Variants in PAPLN observed in about 807,000 individuals in gnomAD.
The protein encoded by PAPLN is papilin.
Under a neutral mutation model 159.0 loss-of-function variants are expected in PAPLN, and 146 were observed. That is an observed-to-expected ratio of 0.92 (90% CI 0.80 to 1.05). The LOEUF is 1.05. Among genes scored for constraint, PAPLN ranks in the 50% least tolerant of loss-of-function variants. PAPLN has a pLI of 0.00. For missense variants in PAPLN, 1,720 were observed against 1,743.9 expected (o/e 0.99, Z 0.24); for synonymous variants, 734 against 702.9 (o/e 1.04, Z -0.70).
chr14:73,268,411 A>G (rs745394423), intron 25 of PAPLN, 146 bp from the exon 26 acceptor site: 19 of 798,118 alleles, frequency 2.4e-5, no homozygotes, highest in Non-Finnish European at 3.6e-5. Flanking sequence ...AACCTTGGTC[A>G]TTCTTGATTT....
intron 25 of PAPLN, chr14:73,268,301 C>T: frequency 2.4e-6 from 1 of 414,338 alleles, no homozygotes. Context: ...TCACAGGCAC[C>T]CCAAATTTGA....
At chr14:73,241,408 C>T (rs1311344512) in intron 2 of PAPLN, among the ~76,000 whole-genome samples, 1 of 152,230 alleles carries the variant, frequency 6.6e-6, no homozygotes, top group Non-Finnish European at 1.5e-5. Context: ...TGGACAGCTG[C>T]ATGATCCTAG....
chr14:73,263,683 C>T lies in PAPLN; in HGVS notation c.2762C>T (p.Ala921Val), dbSNP rs775925480. Residue 921 changes from alanine to valine, a missense_variant, in exon 20 of 27, where the codon GCA (alanine) becomes GTA (valine). Transcript: ENST00000644200. Reference sequence around the variant, plus strand: ...GGTGTGGAGCCCTCGTTGGTGCAGGCAGCCCTGGGGCAGTTGGTGCGGCTC... The same window carrying T: ...GGTGTGGAGCCCTCGTTGGTGCAGGTAGCCCTGGGGCAGTTGGTGCGGCTC... ...LAGVEPSLVQ[A>V]ALGQLVRLSC... The T allele has an allele frequency of 1.9e-6, 3 of 1,613,472 alleles. No individual in the cohort carries two copies. Among genetic ancestry groups the T allele is most frequent in the African/African-American group, 1.3e-5 (1 of 74,936 alleles).
chr14:73,244,983 C>G (rs1884037508), intron 3 of PAPLN: 1 of 438,814 alleles, frequency 2.3e-6, no homozygotes, highest in Admixed American at 4.0e-5. Flanking sequence ...CCTGTTGCCC[C>G]TGGTCTCCAG....
At chr14:73,241,294 G>A (rs1341294685) in intron 2 of PAPLN, among the ~76,000 whole-genome samples, 1 of 152,144 alleles carries the variant, frequency 6.6e-6, no homozygotes, top group Admixed American at 6.5e-5. Context: ...CCACTCTCAG[G>A]TCCTTCACCA....
At chr14:73,250,553 T>C (rs1885129540) in intron 6 of PAPLN, among the ~76,000 whole-genome samples, 1 of 152,124 alleles carries the variant, frequency 6.6e-6, no homozygotes, top group African/African-American at 2.4e-5. Context: ...GGGGGCCTCA[T>C]TCCCAGGAGT....
In PAPLN at chr14:73,257,753, C is replaced by CTTTTTTTTT. The variant is rs562890068; in HGVS notation, c.1628-1206_1628-1198dup. Among the ~76,000 whole-genome samples, 447 of 91,236 alleles carry CTTTTTTTTT rather than the reference C, an allele frequency of 4.9e-3. 36 individuals carry two copies. The highest frequency in any genetic ancestry group is 0.03 in the East Asian group (62 of 2,050). 59.9% of individuals were successfully genotyped at this position (91,236 alleles called of 152,430 possible). On this transcript the variant is annotated intron_variant, in intron 14 of 26. Coordinates refer to ENST00000644200, the MANE Select transcript of PAPLN (RefSeq NM_001365906.3). ...GTTTTCATTATCTAGTCTCTTTCTTCTTTTTTTTTTTTTTTTTTTTTTTTT... is the reference window on the plus strand; with the variant it reads ...GTTTTCATTATCTAGTCTCTTTCTTCTTTTTTTTTTTTTTTTTTTTTTTTTTTTTTTTTT...
chr14:73,266,711 C>G lies in PAPLN; in HGVS notation c.3392-12C>G. The G allele has an allele frequency of 6.2e-7, 1 of 1,614,142 alleles. No individual in the cohort carries two copies. Among genetic ancestry groups the G allele is most frequent in the Non-Finnish European group, 8.5e-7 (1 of 1,180,018 alleles). The stretch of plus-strand genomic sequence containing the variant: ...TTCATAGTGGCTGACAATGACTTGT[C>G]CTTGTGCCCAGGGGAGCTGACAATC... On this transcript the variant is annotated splice_polypyrimidine_tract_variant and intron_variant, in intron 24 of 26. Transcript: ENST00000644200.
Position 73,263,685 on chromosome 14 carries a change from G to T in PAPLN, c.2764G>T (p.Ala922Ser). ...AGVEPSLVQA[A>S]LGQLVRLSCS... is the part of the protein sequence containing the mutation. ...TGTGGAGCCCTCGTTGGTGCAGGCA[G>T]CCCTGGGGCAGTTGGTGCGGCTCTC... is the stretch of plus-strand genomic sequence containing the variant. Residue 922 changes from alanine to serine, a missense_variant, in exon 20 of 27, where the codon GCC becomes TCC. Ala to Ser is a moderately conservative substitution (Grantham distance 99). Coordinates refer to ENST00000644200, the MANE Select transcript of PAPLN (RefSeq NM_001365906.3). The T allele has an allele frequency of 6.2e-7, 1 of 1,613,556 alleles. No homozygotes were observed.
At chr14:73,246,010 G>T in intron 4 of PAPLN, 63 bp from the exon 5 acceptor site, 1 of 1,432,286 alleles carries the variant, frequency 7.0e-7, no homozygotes. Context: ...CTCGGGCGGG[G>T]CGGGAGGTGG....
At position 73,253,938 on chromosome 14, in the gene PAPLN, T is replaced by C. The variant is rs757136808; in HGVS notation, c.1279T>C (p.Trp427Arg). ...CTGTAACCTGCAGCGCTGTGCAGCC[T>C]GGAGCCCGGAGCCCTGGGGAGAGGT... is the stretch of plus-strand genomic sequence containing the variant. ...QACNLQRCAA[W>R]SPEPWGECSV... Residue 427 changes from tryptophan (W) to arginine (R), a missense_variant, in exon 12 of 27, where the codon TGG (tryptophan) becomes CGG (arginine). Physicochemically the swap from Trp to Arg is moderately radical, Grantham distance 101 (BLOSUM62 -3). Transcript: ENST00000644200. 6.2e-7 allele frequency: 1 copy of C among 1,612,126 alleles called. No individual in the cohort carries two copies. Among genetic ancestry groups the C allele is most frequent in the East Asian group, 2.2e-5 (1 of 44,866 alleles).
Position 73,250,899 on chromosome 14 carries a change from GC to G in PAPLN, c.466-5del, listed in dbSNP as rs751049610. 4.3e-6 allele frequency: 7 copies of G among 1,609,472 alleles called. No homozygotes were observed. In the Admixed American group the frequency reaches 1.0e-4, roughly 23 times the overall value. On this transcript the variant is annotated splice_polypyrimidine_tract_variant and splice_region_variant and intron_variant, in intron 6 of 26. Coordinates refer to ENST00000644200, the MANE Select transcript of PAPLN (RefSeq NM_001365906.3). ...CGTCTCCCCTGCCTCCCGCATCTCT[GC>G]CCACAGGTTGTCGGCTGTGATCACG... is the stretch of plus-strand genomic sequence containing the variant.
At chr14:73,237,877 C>T (rs1883133406) in intron 1 of PAPLN, among the ~76,000 whole-genome samples, 1 of 152,200 alleles carries the variant, frequency 6.6e-6, no homozygotes. Flanking sequence ...ACCTTCCCTT[C>T]AGGCGAATGC....
In PAPLN at chr14:73,263,768, C is replaced by T; in HGVS notation, c.2847C>T (p.Pro949=). The change falls in exon 20 of 27, where the codon CCC becomes CCT. Residue 949 remains proline, a synonymous_variant. Transcript: ENST00000644200. ...CTGCCTGGCAGAAAGATGGCCAGCCCATCTCCTCTGACAGGTGGGTGAGAG... is the reference window on the plus strand; with the variant it reads ...CTGCCTGGCAGAAAGATGGCCAGCCTATCTCCTCTGACAGGTGGGTGAGAG... ...SQAAWQKDGQ[P]ISSDRHRLQF... 2 of 1,604,250 alleles carry T rather than the reference C, an allele frequency of 1.2e-6. No homozygotes were observed. The highest frequency in any genetic ancestry group is 1.1e-5 in the South Asian group (1 of 91,006).
In PAPLN at chr14:73,262,653, A is replaced by T. The variant is rs371499346; in HGVS notation, c.2549A>T (p.Lys850Met). ...QHRTGAAVQR[K>M]PWPSGGLWRQ... ...AGGACAGGGGCCGCGGTGCAGAGAA[A>T]GCCCTGGCCTTCTGGTGGTCTCTGG... is the stretch of plus-strand genomic sequence containing the variant. The change falls in exon 19 of 27, where the codon AAG (lysine) becomes ATG (methionine). Residue 850 changes from lysine (K) to methionine (M), a missense_variant. Physicochemically the swap from Lys to Met is moderately conservative, Grantham distance 95. Coordinates refer to ENST00000644200, the MANE Select transcript of PAPLN (RefSeq NM_001365906.3). The T allele has an allele frequency of 8.6e-5, 129 of 1,502,260 alleles. 1 individual carries two copies. The highest frequency in any genetic ancestry group is 1.9e-4 in the Middle Eastern group (1 of 5,354). 93.1% of individuals were successfully genotyped at this position (1,502,260 alleles called of 1,614,324 possible). A position where few individuals can be genotyped will look rare whatever the true frequency, so the allele number is the denominator to read the frequency against.
chr14:73,249,914 T>A (rs1944453217), intron 5 of PAPLN, 70 bp from the exon 6 acceptor site: 5 of 1,487,182 alleles, frequency 3.4e-6, no homozygotes, highest in Admixed American at 2.2e-5. Flanking sequence ...GTTGCTAGGG[T>A]AAGCCTTGGG....
chr14:73,243,131 T>G (rs1288221303), intron 2 of PAPLN: 1 of 152,276 alleles, frequency 6.6e-6, no homozygotes, highest in Non-Finnish European at 1.5e-5. Flanking sequence ...TAGCTGGGAT[T>G]ACGGGCACCC....
In PAPLN at chr14:73,259,295, C is replaced by A. The variant is rs940892787; in HGVS notation, c.1735C>A (p.Gln579Lys). The A allele has an allele frequency of 3.8e-6, 6 of 1,578,730 alleles. No individual in the cohort carries two copies. Among genetic ancestry groups the A allele is most frequent in the Non-Finnish European group, 5.2e-6 (6 of 1,159,846 alleles). Residue 579 changes from glutamine (Q) to lysine (K), a missense_variant, in exon 16 of 27, where the codon CAG (glutamine) becomes AAG (lysine). Gln to Lys is a moderately conservative substitution (Grantham distance 53). Coordinates refer to ENST00000644200, the MANE Select transcript of PAPLN (RefSeq NM_001365906.3). ...SDSRGQWWAAQEHPSARGDHR... is the reference protein window; with the variant it reads ...SDSRGQWWAAKEHPSARGDHR... ...CTCCAGAGGCCAGTGGTGGGCAGCC[C>A]AGGAACACCCCTCAGCCAGGGGTGA...
rs750429501 is a variant in PAPLN, at chr14:73,268,704, G to GGT, written c.3650_3651dup (p.Lys1218Ter). The GGT allele has an allele frequency of 3.7e-6, 6 of 1,612,318 alleles. No individual in the cohort carries two copies. In the African/African-American group the frequency reaches 8.0e-5, roughly 21 times the overall value. On this transcript the variant is annotated frameshift_variant, in exon 26 of 27. Coordinates refer to ENST00000644200, the MANE Select transcript of PAPLN (RefSeq NM_001365906.3). LOFTEE classifies it high-confidence loss of function. The stretch of plus-strand genomic sequence containing the variant: ...GCCAGGCAGTCAGCCGCAGCACCGA[G>GGT]GTGAAGGTGGTCTCACCAGGTAGGA...
Sources: allele counts gnomAD v4.1 joint callset (sites outside exome capture counted in the v4.1 genomes callset), GRCh38; gene constraint gnomAD v4.1.1; transcripts MANE v1.5; gene names NCBI Gene and HGNC (gene_info 2026-07-23, HGNC 2026-07-21).